The following ANKRD49 variants were observed in gnomAD, a reference collection of about 807,000 sequenced individuals.
ANKRD49 encodes ankyrin repeat domain-containing protein 49.
ANKRD49 carries 18 observed loss-of-function variants against 19.6 expected under a neutral mutation model. That is an observed-to-expected ratio of 0.92 (90% CI 0.63 to 1.36). The LOEUF (loss-of-function observed/expected upper bound fraction) is 1.36. Ranked by LOEUF, ANKRD49 falls within the 40% of genes most tolerant of loss-of-function variation. ANKRD49 has a pLI of 0.00. For synonymous variants in ANKRD49, 88 were observed against 101.8 expected (o/e 0.86, Z 0.82); for missense variants, 218 against 281.6 (o/e 0.77, Z 1.62).
rs1947455079 is a variant in ANKRD49, at chr11:94,498,881, T to C, written c.*349T>C. 1 of 249,338 alleles carries C rather than the reference T, an allele frequency of 4.0e-6. No individual in the cohort carries two copies. The highest frequency in any genetic ancestry group is 5.1e-5 in the Admixed American group (1 of 19,446). The allele number at this position is 249,338 out of a possible 1,614,324, so 15.4% of individuals were successfully genotyped here. On this transcript the variant is annotated 3_prime_UTR_variant, in exon 3 of 3. Transcript: ENST00000544612. ...ACATCCTGGATCTTTGTTGGGTATT[T>C]AGTATATTGACATATATTTTTATAA... is the stretch of plus-strand genomic sequence containing the variant.
intron 1 of ANKRD49, among the ~76,000 whole-genome samples, chr11:94,495,357 G>A (rs1947400092): frequency 6.6e-6 from 1 of 152,220 alleles, no homozygotes; most frequent in African/African-American, 2.4e-5. Flanking sequence ...AGACAAGTAG[G>A]AGATAAATAT....
chr11:94,497,180 A>T (rs1189684217), intron 2 of ANKRD49: 2 of 591,714 alleles, frequency 3.4e-6, no homozygotes, highest in African/African-American at 3.7e-5. Flanking sequence ...TCTATATTTT[A>T]AAATCATTTA....
Position 94,498,248 on chromosome 11 carries a change from C to T in ANKRD49, c.436C>T (p.His146Tyr), listed in dbSNP as rs1947446282. Residue 146 changes from histidine (H) to tyrosine (Y), a missense_variant, in exon 3 of 3, where the codon CAC (histidine) becomes TAC (tyrosine). By Grantham distance (83) the His-to-Tyr change is moderately conservative (BLOSUM62 2). Coordinates refer to ENST00000544612, the MANE Select transcript of ANKRD49 (RefSeq NM_017704.3). ...GACTGTGGATGGCTGGACGCCCCTG[C>T]ACAGTGCTTGTAAGTGGAATAATAC... ...AVTVDGWTPL[H>Y]SACKWNNTRV... The T allele has an allele frequency of 6.2e-7, 1 of 1,614,168 alleles. No homozygotes were observed. The highest frequency in any genetic ancestry group is 8.5e-7 in the Non-Finnish European group (1 of 1,180,042).
chr11:94,498,775 A>T lies in ANKRD49; in HGVS notation c.*243A>T. On this transcript the variant is annotated 3_prime_UTR_variant, in exon 3 of 3. Transcript: ENST00000544612. ...TATCAGAAATAATTTTAATGTGTGT[A>T]TACTTAAAAACTTGACACGGGTTGT... The T allele has an allele frequency of 4.0e-6, 2 of 495,660 alleles. No individual in the cohort carries two copies. The highest frequency in any genetic ancestry group is 3.6e-5 in the East Asian group (1 of 27,576). 30.7% of individuals were successfully genotyped at this position (495,660 alleles called of 1,614,324 possible).
intron 1 of ANKRD49, among the ~76,000 whole-genome samples, chr11:94,496,244 GT>G (rs1947416482): frequency 6.6e-6 from 1 of 152,078 alleles, no homozygotes; most frequent in African/African-American, 2.4e-5. Context: ...TTATCTGTGT[GT>G]CTAGTTTATA....
Position 94,499,325 on chromosome 11 carries a change from C to A in ANKRD49, c.*793C>A, listed in dbSNP as rs554347572. On this transcript the variant is annotated 3_prime_UTR_variant, in exon 3 of 3. Transcript: ENST00000544612. Reference sequence around the variant, plus strand: ...TCCAACTGGTTTTACCTGCCTAATCCTACTGATTTGGGCACTGCTTGTATA... The same window carrying A: ...TCCAACTGGTTTTACCTGCCTAATCATACTGATTTGGGCACTGCTTGTATA... The A allele has an allele frequency of 6.6e-6, 1 of 152,632 alleles. No individual in the cohort carries two copies. Among genetic ancestry groups the A allele is most frequent in the Non-Finnish European group, 1.5e-5 (1 of 68,026 alleles). 9.5% of individuals were successfully genotyped at this position (152,632 alleles called of 1,614,324 possible). A position where few individuals can be genotyped will look rare whatever the true frequency, so the allele number is the denominator to read the frequency against.
intron 2 of ANKRD49, chr11:94,497,290 A>G (rs796319536): frequency 2.6e-5 from 12 of 462,664 alleles, no homozygotes; most frequent in African/African-American, 2.4e-4. Context: ...TTATTTAATC[A>G]TCATGTATCC....
At chr11:94,497,089 C>A in intron 2 of ANKRD49, 138 bp downstream of exon 2, 1 of 1,178,256 alleles carries the variant, frequency 8.5e-7, no homozygotes, top group Non-Finnish European at 1.2e-6. Flanking sequence ...TACATGAAAG[C>A]ACATATTAAG....
rs764189969 is a variant in ANKRD49 at position 94,496,927 on chromosome 11, T to G, written c.234T>G (p.Leu78=). The G allele has an allele frequency of 2.9e-5, 47 of 1,613,424 alleles. No individual in the cohort carries two copies. The highest frequency in any genetic ancestry group is 3.8e-5 in the Non-Finnish European group (45 of 1,179,936). The change falls in exon 2 of 3, where the codon CTT becomes CTG. Residue 78 remains leucine (L), a synonymous_variant. Coordinates refer to ENST00000544612, the MANE Select transcript of ANKRD49 (RefSeq NM_017704.3). ...KKMEKDPSRL[L]LWAAEKNRLT... is the part of the protein sequence containing the mutation. The stretch of plus-strand genomic sequence containing the variant: ...TGGAAAAAGACCCAAGCAGATTGCT[T>G]CTTTGGGCTGCTGAAAAAAATCGGG...
chr11:94,494,947 GA>G (rs1054074200), intron 1 of ANKRD49, among the ~76,000 whole-genome samples: 28 of 152,126 alleles, frequency 1.8e-4, no homozygotes, highest in African/African-American at 6.8e-4. Flanking sequence ...GAGAATCAAA[GA>G]AAAAGTGGAA....
At position 94,499,522 on chromosome 11, in the gene ANKRD49, G is replaced by A. The variant is rs1161605345; in HGVS notation, c.*990G>A. 6.6e-6 allele frequency: 1 copy of A among 151,960 alleles called. No homozygotes were observed. Among genetic ancestry groups the A allele is most frequent in the African/African-American group, 2.4e-5 (1 of 41,384 alleles). The allele number at this position is 151,960 out of a possible 1,614,324, so 9.4% of individuals were successfully genotyped here. On this transcript the variant is annotated 3_prime_UTR_variant, in exon 3 of 3. Transcript: ENST00000544612. ...TTAAAAAAAAAACACTGTGGATAAT[G>A]ACAAAAAGCATAAGTAAAAATATTT... is the stretch of plus-strand genomic sequence containing the variant.
chr11:94,496,194 A>G (rs1206644930), intron 1 of ANKRD49, among the ~76,000 whole-genome samples: 1 of 152,176 alleles, frequency 6.6e-6, no homozygotes, highest in Non-Finnish European at 1.5e-5. Flanking sequence ...TCTTCGAAAT[A>G]GTATTTTTAG....
intron 1 of ANKRD49, among the ~76,000 whole-genome samples, chr11:94,495,158 G>A (rs533259970): frequency 1.3e-5 from 2 of 152,240 alleles, no homozygotes; most frequent in Non-Finnish European, 2.9e-5. Flanking sequence ...TAGTGCTATT[G>A]CCACTAGTAA....
At chr11:94,497,890 T>G (rs1271584763) in intron 2 of ANKRD49, 181 bp from the exon 3 acceptor site, 2 of 566,194 alleles carry the variant, frequency 3.5e-6, no homozygotes, top group East Asian at 5.8e-5. Context: ...AACTTGTTCA[T>G]TCTTAAATCA....
intron 2 of ANKRD49, 194 bp from the exon 3 acceptor site, chr11:94,497,877 A>C (rs1565246686): frequency 1.8e-6 from 1 of 544,874 alleles, no homozygotes; most frequent in Non-Finnish European, 3.2e-6. Context: ...TGTAGTTAAC[A>C]CTAACTTGTT....
In ANKRD49 at chr11:94,496,682, T is replaced by C; in HGVS notation, c.-12T>C. ...CATTTGAAATGCTTTTTATTTAGAA[T>C]AGTAGTAAAAAATGGAAAAAGAAAA... On this transcript the variant is annotated 5_prime_UTR_variant, in exon 2 of 3. Coordinates refer to ENST00000544612, the MANE Select transcript of ANKRD49 (RefSeq NM_017704.3). 6.4e-7 allele frequency: 1 copy of C among 1,564,460 alleles called. No individual in the cohort carries two copies. The highest frequency in any genetic ancestry group is 8.6e-7 in the Non-Finnish European group (1 of 1,159,588).
rs1947448885 is a variant in ANKRD49 at position 94,498,394 on chromosome 11, C to G, written c.582C>G (p.Leu194=). 6.2e-7 allele frequency: 1 copy of G among 1,613,278 alleles called. No homozygotes were observed. The highest frequency in any genetic ancestry group is 8.5e-7 in the Non-Finnish European group (1 of 1,179,880). ...ACAGCAAGGATACCCTAGAACTCCT[C>G]CTGATGAACCGTTACGTCAAACCAG... is the stretch of plus-strand genomic sequence containing the variant. ...NRDSKDTLEL[L]LMNRYVKPGL... Residue 194 remains leucine (L), a synonymous_variant, in exon 3 of 3, where the codon CTC becomes CTG. Transcript: ENST00000544612.
At chr11:94,494,195 T>C (rs1160053164) in intron 1 of ANKRD49, 160 bp downstream of exon 1, 2 of 152,150 alleles carry the variant, frequency 1.3e-5, no homozygotes, top group Non-Finnish European at 2.9e-5. Context: ...GCTTCTCCGC[T>C]CTTGGCTGTT....
chr11:94,495,690 C>G (rs891564404), intron 1 of ANKRD49, among the ~76,000 whole-genome samples: 1 of 152,190 alleles, frequency 6.6e-6, no homozygotes, highest in Non-Finnish European at 1.5e-5. Context: ...GGCAGCTTAG[C>G]AGAATAAACA....
Sources: gnomAD v4.1 joint callset for allele counts (sites outside exome capture counted in the v4.1 genomes callset) on GRCh38, gnomAD v4.1.1 for gene constraint, MANE v1.5 for transcripts, NCBI Gene and HGNC (gene_info 2026-07-23, HGNC 2026-07-21) for gene names.